The following AGPAT4 variants were observed in gnomAD, a reference collection of about 807,000 sequenced individuals.
AGPAT4 encodes 1-acylglycerol-3-phosphate O-acyltransferase 4.
AGPAT4 carries 15 observed loss-of-function variants against 48.0 expected under a neutral mutation model. The ratio of observed to expected loss-of-function variants is 0.31; its 90% CI spans 0.21 to 0.48. The LOEUF (loss-of-function observed/expected upper bound fraction) is 0.48. Ranked by LOEUF, AGPAT4 falls within the 20% of genes least tolerant of loss-of-function variation. The probability of loss-of-function intolerance (pLI) is 0.99; values close to 1 mark genes in which losing one functional copy is unlikely to be tolerated. For missense variants in AGPAT4, 314 were observed against 482.5 expected, an observed-to-expected ratio of 0.65 and a Z score of 3.27; for synonymous variants, 178 against 198.7, an observed-to-expected ratio of 0.90 and a Z score of 0.88.
intron 5 of AGPAT4, among the ~76,000 whole-genome samples, chr6:161,151,814 C>G (rs374431457): frequency 6.6e-6 from 1 of 152,292 alleles, no homozygotes; most frequent in South Asian, 2.1e-4. Context: ...CAGTGCAGAG[C>G]GCAGCAGCCT....
rs560007702 is a variant in AGPAT4, at chr6:161,229,693, C to G, written c.178+2343G>C. 3.3e-5 allele frequency among the ~76,000 whole-genome samples: 5 copies of G among 152,296 alleles called. No homozygotes were observed. The East Asian group carries it at 9.7e-4, about 29-fold the overall frequency. ...CCACGAGCCACCCAGGATCATCACC[C>G]TCCCTTTCTACTGTATTCTCTTTTT... On this transcript the variant is annotated intron_variant, in intron 2 of 8. Coordinates refer to ENST00000320285, the MANE Select transcript of AGPAT4 (RefSeq NM_020133.3). This position sits in a 1 kb window ranked among gnomAD's most constrained non-coding sequence, Gnocchi z 6.0.
intron 2 of AGPAT4, among the ~76,000 whole-genome samples, chr6:161,183,048 G>A (rs1347180861): frequency 6.6e-6 from 1 of 152,164 alleles, no homozygotes; most frequent in Non-Finnish European, 1.5e-5. Flanking sequence ...ATGAGGAAGG[G>A]CCTAGAGTTT....
At chr6:161,173,794 C>A (rs1038285973) in intron 2 of AGPAT4, among the ~76,000 whole-genome samples, 3 of 152,184 alleles carry the variant, frequency 2.0e-5, no homozygotes, top group African/African-American at 7.2e-5. Flanking sequence ...ACATTTAAGT[C>A]TTTAATCCAC....
Position 161,259,106 on chromosome 6 carries a change from T to C in AGPAT4, c.-90+14832A>G, listed in dbSNP as rs1021824528. ...AGCCACGGTACCCGGCCTTAAATTC[T>C]TTTCAATTGACAAATAAAAATTGTA... On this transcript the variant is annotated intron_variant, in intron 1 of 8. Transcript: ENST00000320285. This position sits in a 1 kb window ranked among gnomAD's most constrained non-coding sequence, Gnocchi z 4.9. Among the ~76,000 whole-genome samples, 10 of 152,176 alleles carry C rather than the reference T, an allele frequency of 6.6e-5. No homozygotes were observed. Among genetic ancestry groups the C allele is most frequent in the Non-Finnish European group, 1.2e-4 (8 of 68,028 alleles).
rs368347757 is a variant in AGPAT4, at chr6:161,136,607, C to G, written c.1070G>C (p.Gly357Ala). The change falls in exon 9 of 9, where the codon GGT (glycine) becomes GCT (alanine). Residue 357 changes from glycine to alanine, a missense_variant. Gly to Ala is a moderately conservative substitution (Grantham distance 60). Transcript: ENST00000320285. ...VASVGVRWMI[G>A]VTEIDKGSAY... is the part of the protein sequence containing the mutation. ...AGAGCCCTTGTCAATTTCCGTCACA[C>G]CAATCATCCATCGAACTCCCACGGA... 1.9e-6 allele frequency: 3 copies of G among 1,614,090 alleles called. No individual in the cohort carries two copies. In the East Asian group the frequency reaches 6.7e-5, roughly 36 times the overall value.
rs1778967612 is a variant in AGPAT4, at chr6:161,133,493, ACTT to A, written c.*3044_*3046del. 1 of 152,142 alleles carries A rather than the reference ACTT, an allele frequency of 6.6e-6. No homozygotes were observed. 9.4% of individuals were successfully genotyped at this position (152,142 alleles called of 1,614,324 possible). A position where few individuals can be genotyped will look rare whatever the true frequency, so the allele number is the denominator to read the frequency against. Reference sequence around the variant, plus strand: ...GGTAGACTAACTCACAGAGTGCCTTACTTCTTCCTCCCGATTAATCGTGTTCAC... The same window carrying A: ...GGTAGACTAACTCACAGAGTGCCTTACTTCCTCCCGATTAATCGTGTTCAC... On this transcript the variant is annotated 3_prime_UTR_variant, in exon 9 of 9. Coordinates refer to ENST00000320285, the MANE Select transcript of AGPAT4 (RefSeq NM_020133.3).
At chr6:161,191,282 G>A (rs1037737550) in intron 2 of AGPAT4, among the ~76,000 whole-genome samples, 5 of 152,198 alleles carry the variant, frequency 3.3e-5, no homozygotes, top group African/African-American at 1.2e-4. Flanking sequence ...CCAGGCCTGT[G>A]TCACTTCACA....
At position 161,135,263 on chromosome 6, in the gene AGPAT4, C is replaced by T. The variant is rs1400971862; in HGVS notation, c.*1277G>A. On this transcript the variant is annotated 3_prime_UTR_variant, in exon 9 of 9. Coordinates refer to ENST00000320285, the MANE Select transcript of AGPAT4 (RefSeq NM_020133.3). ...CGCACCTGGAGAAAGACATATCCTTCCTAACTCATGCTCCAAATACCTATC... is the reference window on the plus strand; with the variant it reads ...CGCACCTGGAGAAAGACATATCCTTTCTAACTCATGCTCCAAATACCTATC... The T allele has an allele frequency of 6.6e-6, 1 of 152,248 alleles. No homozygotes were observed. The highest frequency in any genetic ancestry group is 1.5e-5 in the Non-Finnish European group (1 of 68,046). The allele number at this position is 152,248 out of a possible 1,614,324, so 9.4% of individuals were successfully genotyped here. A position where few individuals can be genotyped will look rare whatever the true frequency, so the allele number is the denominator to read the frequency against.
Position 161,240,809 on chromosome 6 carries a change from C to G in AGPAT4, c.-89-8507G>C, listed in dbSNP as rs1008064801. ...AACTAACTTGTACAGGTCTGAGGAA[C>G]GTGCTCTGTTCTCACTCCTGGCAGA... On this transcript the variant is annotated intron_variant, in intron 1 of 8. Coordinates refer to ENST00000320285, the MANE Select transcript of AGPAT4 (RefSeq NM_020133.3). This position sits in a 1 kb window ranked among gnomAD's most constrained non-coding sequence, Gnocchi z 5.5. Among the ~76,000 whole-genome samples, 3 of 152,134 alleles carry G rather than the reference C, an allele frequency of 2.0e-5. No individual in the cohort carries two copies. The highest frequency in any genetic ancestry group is 7.2e-5 in the African/African-American group (3 of 41,426).
rs577587054 is a variant in AGPAT4 at position 161,261,323 on chromosome 6, C to T, written c.-90+12615G>A. The stretch of plus-strand genomic sequence containing the variant: ...CCCGGCACAGTCCTGGGCCACATGA[C>T]GTTGACAAGTGCTATTTCCCTTCGT... On this transcript the variant is annotated intron_variant, in intron 1 of 8. Coordinates refer to ENST00000320285, the MANE Select transcript of AGPAT4 (RefSeq NM_020133.3). The surrounding 1 kb of genome is among the most constrained non-coding windows in gnomAD (Gnocchi z 5.3). Among the ~76,000 whole-genome samples the T allele has an allele frequency of 6.6e-5, 10 of 152,196 alleles. No individual in the cohort carries two copies. The highest frequency in any genetic ancestry group is 1.7e-4 in the African/African-American group (7 of 41,452).
chr6:161,130,546 G>A lies in AGPAT4; in HGVS notation c.*5994C>T, dbSNP rs1778867242. 1 of 186,256 alleles carries A rather than the reference G, an allele frequency of 5.4e-6. No individual in the cohort carries two copies. Among genetic ancestry groups the A allele is most frequent in the African/African-American group, 2.3e-5 (1 of 43,180 alleles). 11.5% of individuals were successfully genotyped at this position (186,256 alleles called of 1,614,324 possible). The stretch of plus-strand genomic sequence containing the variant: ...ACAATTGATACAGGCTGAGAAGTAA[G>A]AATTCACTGTTCACTTAGAGCAACT... On this transcript the variant is annotated 3_prime_UTR_variant, in exon 9 of 9. Coordinates refer to ENST00000320285, the MANE Select transcript of AGPAT4 (RefSeq NM_020133.3).
rs1242830287 is a variant in AGPAT4, at chr6:161,148,476, CAGA to C, written c.767+708_767+710del. ...ATGTGGCTTCTGTAAGGTCTTGAAT[CAGA>C]AGGTTATACGCCCCTGGATTAGTTC... is the stretch of plus-strand genomic sequence containing the variant. On this transcript the variant is annotated intron_variant, in intron 6 of 8. Transcript: ENST00000320285. This position sits in a 1 kb window ranked among gnomAD's most constrained non-coding sequence, Gnocchi z 5.5. Among the ~76,000 whole-genome samples, 4 of 152,150 alleles carry C rather than the reference CAGA, an allele frequency of 2.6e-5. No individual in the cohort carries two copies. The highest frequency in any genetic ancestry group is 6.5e-5 in the Admixed American group (1 of 15,276).
In AGPAT4 at chr6:161,200,696, A is replaced by C. The variant is rs1355772190; in HGVS notation, c.178+31340T>G. On this transcript the variant is annotated intron_variant, in intron 2 of 8. Coordinates refer to ENST00000320285, the MANE Select transcript of AGPAT4 (RefSeq NM_020133.3). This position sits in a 1 kb window ranked among gnomAD's most constrained non-coding sequence, Gnocchi z 5.5. ...GGTCCCTCCTCTGCTCTTTGTAAAG[A>C]ATCGGGGACAAACAAGTGACATATT... is the stretch of plus-strand genomic sequence containing the variant. 6.6e-6 allele frequency among the ~76,000 whole-genome samples: 1 copy of C among 152,250 alleles called. No homozygotes were observed. The highest frequency in any genetic ancestry group is 1.5e-5 in the Non-Finnish European group (1 of 68,046).
chr6:161,211,079 G>A (rs746062450), intron 2 of AGPAT4, among the ~76,000 whole-genome samples: 56 of 152,170 alleles, frequency 3.7e-4, no homozygotes, highest in Non-Finnish European at 6.3e-4. Context: ...AGTCAGTTAC[G>A]TCAAATCTTT....
In AGPAT4 at chr6:161,147,235, G is replaced by A. The variant is rs764383559; in HGVS notation, c.768-636C>T. Among the ~76,000 whole-genome samples, 6 of 152,142 alleles carry A rather than the reference G, an allele frequency of 3.9e-5. No homozygotes were observed. Among genetic ancestry groups the A allele is most frequent in the Admixed American group, 1.3e-4 (2 of 15,278 alleles). On this transcript the variant is annotated intron_variant, in intron 6 of 8. Transcript: ENST00000320285. The surrounding 1 kb of genome is among the most constrained non-coding windows in gnomAD (Gnocchi z 4.8). ...GGGTCTTGAGTCACTGTGCACCAGC[G>A]AGAGCTCAGAGACTTGGGTGGCTCT...
At position 161,137,705 on chromosome 6, in the gene AGPAT4, G is replaced by C. The variant is rs1334247744; in HGVS notation, c.1043-1071C>G. Among the ~76,000 whole-genome samples, 1 of 152,124 alleles carries C rather than the reference G, an allele frequency of 6.6e-6. No homozygotes were observed. Among genetic ancestry groups the C allele is most frequent in the Non-Finnish European group, 1.5e-5 (1 of 68,026 alleles). ...AGTCAGGCGCAGGCTCAGAGTAATGGGGCACGGCAGTCAGCTCCTCAGATG... is the reference window on the plus strand; with the variant it reads ...AGTCAGGCGCAGGCTCAGAGTAATGCGGCACGGCAGTCAGCTCCTCAGATG... On this transcript the variant is annotated intron_variant, in intron 8 of 8. Coordinates refer to ENST00000320285, the MANE Select transcript of AGPAT4 (RefSeq NM_020133.3). This position sits in a 1 kb window ranked among gnomAD's most constrained non-coding sequence, Gnocchi z 6.1.
chr6:161,242,500 G>T lies in AGPAT4; in HGVS notation c.-89-10198C>A, dbSNP rs965654856. Reference sequence around the variant, plus strand: ...ACATCCTCCAAACCCCATCCAGCTCGCCCGCAGCCTCATGGGGCTGGAGGG... The same window carrying T: ...ACATCCTCCAAACCCCATCCAGCTCTCCCGCAGCCTCATGGGGCTGGAGGG... On this transcript the variant is annotated intron_variant, in intron 1 of 8. Transcript: ENST00000320285. The surrounding 1 kb of genome is among the most constrained non-coding windows in gnomAD (Gnocchi z 5.0). 1.3e-5 allele frequency among the ~76,000 whole-genome samples: 2 copies of T among 152,098 alleles called. No homozygotes were observed. Among genetic ancestry groups the T allele is most frequent in the Non-Finnish European group, 2.9e-5 (2 of 68,010 alleles).
chr6:161,195,127 A>C lies in AGPAT4; in HGVS notation c.179-28710T>G, dbSNP rs991244928. Among the ~76,000 whole-genome samples, 1 of 152,200 alleles carries C rather than the reference A, an allele frequency of 6.6e-6. No homozygotes were observed. Among genetic ancestry groups the C allele is most frequent in the Non-Finnish European group, 1.5e-5 (1 of 68,032 alleles). The stretch of plus-strand genomic sequence containing the variant: ...GATCTCAACATTAAGTACAAAATTA[A>C]ATATATTCTTTTCTCCAAAAGAATA... On this transcript the variant is annotated intron_variant, in intron 2 of 8. Coordinates refer to ENST00000320285, the MANE Select transcript of AGPAT4 (RefSeq NM_020133.3). The surrounding 1 kb of genome is among the most constrained non-coding windows in gnomAD (Gnocchi z 5.0).
rs1779511227 is a variant in AGPAT4 at position 161,148,843 on chromosome 6, A to G, written c.767+344T>C. ...TCTAGACCGCCTTATATAAATACAC[A>G]TCTGTGTGTATTCCATACAGCAGAC... On this transcript the variant is annotated intron_variant, in intron 6 of 8. Transcript: ENST00000320285. The surrounding 1 kb of genome is among the most constrained non-coding windows in gnomAD (Gnocchi z 5.5). Among the ~76,000 whole-genome samples the G allele has an allele frequency of 2.0e-5, 3 of 152,226 alleles. No homozygotes were observed. Among genetic ancestry groups the G allele is most frequent in the Admixed American group, 2.0e-4 (3 of 15,286 alleles).
Sources: gnomAD v4.1 joint callset for allele counts (sites outside exome capture counted in the v4.1 genomes callset) on GRCh38, gnomAD v4.1.1 for gene constraint, Gnocchi (gnomAD v3.1) non-coding constraint, MANE v1.5 for transcripts, NCBI Gene and HGNC (gene_info 2026-07-23, HGNC 2026-07-21) for gene names.